PCDH11X: variants seen among roughly 807,000 people sequenced by gnomAD.
The protein encoded by PCDH11X is protocadherin-11 X-linked.
Under a neutral mutation model 53.3 loss-of-function variants are expected in PCDH11X, and 18 were observed. The observed-to-expected ratio is 0.34, with a 90% CI of 0.23 to 0.50. The LOEUF (loss-of-function observed/expected upper bound fraction) is 0.50, where lower values mean the gene tolerates loss of function less well. PCDH11X is among the 20% of genes least tolerant of loss of function. The pLI, the probability that PCDH11X is intolerant of heterozygous loss-of-function variation, is 0.98. For synonymous variants in PCDH11X, 279 were observed against 393.3 expected (o/e 0.71, Z 3.44); for missense variants, 570 against 1,032.4 (o/e 0.55, Z 6.14).
chrX:91,971,001 A>G lies in PCDH11X; in HGVS notation c.3033+91728A>G, dbSNP rs186393857. On this transcript the variant is annotated intron_variant, in intron 6 of 10. Coordinates refer to ENST00000682573, the MANE Select transcript of PCDH11X (RefSeq NM_032968.5). ...TACTTAATATAACTTTAAAATACAT[A>G]GAAATTTTAATAAGTTTGTTCCCTT... Among the ~76,000 whole-genome samples, 744 of 111,561 alleles carry G rather than the reference A, an allele frequency of 6.7e-3. 6 individuals carry two copies. Among genetic ancestry groups the G allele is most frequent in the African/African-American group, 0.023 (716 of 30,725 alleles).
intron 6 of PCDH11X, among the ~76,000 whole-genome samples, chrX:92,090,418 C>A (rs2064030187): frequency 9.0e-6 from 1 of 110,735 alleles, no homozygotes; most frequent in South Asian, 3.8e-4. Context: ...AAATTTATAA[C>A]CTCATTAGTA....
intron 6 of PCDH11X, among the ~76,000 whole-genome samples, chrX:91,908,669 T>G (rs1383627924): frequency 1.8e-5 from 2 of 108,204 alleles, no homozygotes; most frequent in Non-Finnish European, 3.8e-5. Flanking sequence ...CTGGGCATGG[T>G]GGGACTGTGC....
chrX:92,317,628 T>G (rs1381201571), intron 8 of PCDH11X, among the ~76,000 whole-genome samples: 2 of 111,565 alleles, frequency 1.8e-5, no homozygotes, highest in Non-Finnish European at 3.8e-5. Flanking sequence ...GAACCAAGAT[T>G]TAAAATTCAT....
chrX:91,958,672 C>T (rs937766966), intron 6 of PCDH11X, among the ~76,000 whole-genome samples: 1 of 110,183 alleles, frequency 9.1e-6, no homozygotes, highest in African/African-American at 3.4e-5. Context: ...TTTTCCTAGT[C>T]AGTCTCAATG....
intron 8 of PCDH11X, among the ~76,000 whole-genome samples, chrX:92,286,490 A>C (rs1289315423): frequency 1.9e-5 from 2 of 107,925 alleles, no homozygotes; most frequent in Non-Finnish European, 3.8e-5. Context: ...AAGCAAGCAG[A>C]TATAGTACAA....
intron 7 of PCDH11X, among the ~76,000 whole-genome samples, chrX:92,250,300 T>C (rs762200694): frequency 1.8e-5 from 2 of 110,863 alleles, no homozygotes; most frequent in East Asian, 5.7e-4. Context: ...AATTACCTTG[T>C]TGGTGAGGAT....
In PCDH11X at chrX:92,461,342, A is replaced by G. The variant is rs775738263; in HGVS notation, c.3344-6957A>G. Among the ~76,000 whole-genome samples the G allele has an allele frequency of 1.6e-3, 177 of 108,746 alleles. 2 individuals carry two copies. Among genetic ancestry groups the G allele is most frequent in the African/African-American group, 5.7e-3 (169 of 29,640 alleles). The allele number at this position is 108,746 out of a possible 115,157, so 94.4% of individuals were successfully genotyped here. A position where few individuals can be genotyped will look rare whatever the true frequency, so the allele number is the denominator to read the frequency against. ...GCCATAGTAACCAAAACAGCATGGT[A>G]CTGGCATAAAAATAGACACATATAC... is the stretch of plus-strand genomic sequence containing the variant. On this transcript the variant is annotated intron_variant, in intron 9 of 10. Transcript: ENST00000682573.
At chrX:92,466,195 A>G (rs1212732306) in intron 9 of PCDH11X, among the ~76,000 whole-genome samples, 1 of 111,056 alleles carries the variant, frequency 9.0e-6, no homozygotes, top group Non-Finnish European at 1.9e-5. Flanking sequence ...CGGTTGGATT[A>G]TTTATTTTAA....
intron 6 of PCDH11X, among the ~76,000 whole-genome samples, chrX:92,141,595 TG>T (rs1030726886): frequency 3.6e-5 from 4 of 112,076 alleles, no homozygotes; most frequent in African/African-American, 1.3e-4. Context: ...TTAAACCTAA[TG>T]TTTTTTTCCA....
At chrX:92,371,250 C>A (rs2070616494) in intron 8 of PCDH11X, among the ~76,000 whole-genome samples, 1 of 104,560 alleles carries the variant, frequency 9.6e-6, no homozygotes, top group African/African-American at 3.5e-5. Context: ...TTACTATTAC[C>A]ACCATATTAT....
chrX:92,397,446 A>G (rs909648727), intron 9 of PCDH11X, among the ~76,000 whole-genome samples: 2 of 109,507 alleles, frequency 1.8e-5, no homozygotes, highest in African/African-American at 3.4e-5. Flanking sequence ...TGCCTCTTAA[A>G]TTTGATTTGA....
chrX:91,928,425 T>C (rs1180987674), intron 6 of PCDH11X, among the ~76,000 whole-genome samples: 1 of 100,445 alleles, frequency 1.0e-5, no homozygotes, highest in Non-Finnish European at 2.0e-5. Context: ...GATAGAAAAA[T>C]ACTTACTGTA....
At chrX:91,824,958 C>G (rs1245209714) in intron 4 of PCDH11X, among the ~76,000 whole-genome samples, 1 of 109,130 alleles carries the variant, frequency 9.2e-6, no homozygotes, top group Non-Finnish European at 1.9e-5. Context: ...TGTGCCCCTG[C>G]TGGGGGGTGC....
chrX:92,024,408 T>C (rs754319124), intron 6 of PCDH11X, among the ~76,000 whole-genome samples: 40 of 110,538 alleles, frequency 3.6e-4, no homozygotes, highest in African/African-American at 1.2e-3. Flanking sequence ...TGAACTCCCA[T>C]TCACAATTGC....
Position 92,152,700 on chromosome X carries a change from C to G in PCDH11X, c.3034-48675C>G, listed in dbSNP as rs755569702. Among the ~76,000 whole-genome samples the G allele has an allele frequency of 2.9e-3, 326 of 111,536 alleles. 4 individuals carry two copies. Among genetic ancestry groups the G allele is most frequent in the African/African-American group, 1.0e-2 (308 of 30,833 alleles). On this transcript the variant is annotated intron_variant, in intron 6 of 10. Transcript: ENST00000682573. ...ATTAGCAAAAAACTAAAGTATTAAA[C>G]ATTTAAAATTGTAATTTAAAAATTT...
chrX:91,995,081 T>A (rs1197186117), intron 6 of PCDH11X, among the ~76,000 whole-genome samples: 1 of 111,092 alleles, frequency 9.0e-6, no homozygotes, highest in African/African-American at 3.3e-5. Context: ...GATATGTGAT[T>A]TGTAAATATG....
intron 9 of PCDH11X, chrX:92,460,411 G>C (rs1319093151): frequency 1.2e-6 from 1 of 860,734 alleles, no homozygotes; most frequent in African/African-American, 1.9e-5. Flanking sequence ...GATCATGGCA[G>C]ACATCCGGGC....
intron 6 of PCDH11X, among the ~76,000 whole-genome samples, chrX:92,096,427 AGTGTAT>A (rs1189766430): frequency 2.4e-4 from 18 of 75,046 alleles, no homozygotes; most frequent in African/African-American, 5.5e-4. Flanking sequence ...CCCTAAGTGG[AGTGTAT>A]GTGTATGTGT....
intron 1 of PCDH11X, among the ~76,000 whole-genome samples, chrX:91,800,796 G>A (rs891242336): frequency 1.1e-4 from 12 of 110,376 alleles, no homozygotes; most frequent in African/African-American, 3.6e-4. Context: ...TTCATGTTAA[G>A]ATACTTGATG....
Sources: allele counts gnomAD v4.1 joint callset (sites outside exome capture counted in the v4.1 genomes callset), GRCh38; gene constraint gnomAD v4.1.1; transcripts MANE v1.5; gene names NCBI Gene and HGNC (gene_info 2026-07-23, HGNC 2026-07-21).